The following MTUS2 variants were observed in gnomAD, a reference collection of about 807,000 sequenced individuals.
MTUS2 encodes microtubule associated scaffold protein 2.
MTUS2 carries 40 observed loss-of-function variants against 114.1 expected under a neutral mutation model. That is an observed-to-expected ratio of 0.35 (90% CI 0.27 to 0.46). The LOEUF is 0.46. Ranked by LOEUF, MTUS2 falls within the 20% of genes least tolerant of loss-of-function variation. The pLI is 1.00. For synonymous variants in MTUS2, 688 were observed against 672.0 expected (o/e 1.02, Z -0.37); for missense variants, 1,679 against 1,705.4 (o/e 0.98, Z 0.27).
intron 2 of MTUS2, among the ~76,000 whole-genome samples, chr13:28,928,207 G>A (rs555629672): frequency 6.6e-6 from 1 of 151,952 alleles, no homozygotes; most frequent in South Asian, 2.1e-4. Context: ...AAAAAATTTT[G>A]TGTAAGACAT....
At chr13:29,355,639 T>A (rs537777924) in intron 7 of MTUS2, among the ~76,000 whole-genome samples, 1 of 152,336 alleles carries the variant, frequency 6.6e-6, no homozygotes, top group South Asian at 2.1e-4. Context: ...ACAGTCTTAT[T>A]CACAGAGTAT....
chr13:29,125,718 T>G (rs1481757568), intron 5 of MTUS2, among the ~76,000 whole-genome samples: 2 of 152,170 alleles, frequency 1.3e-5, no homozygotes, highest in African/African-American at 2.4e-5. Flanking sequence ...TAAAATGAAG[T>G]TGTTAAAAGG....
intron 6 of MTUS2, among the ~76,000 whole-genome samples, chr13:29,287,377 C>G (rs1291218112): frequency 6.6e-6 from 1 of 152,224 alleles, no homozygotes; most frequent in Admixed American, 6.5e-5. Context: ...ATGCCTTAAC[C>G]TCTGTGTGGT....
chr13:29,267,047 G>A (rs375571697), intron 5 of MTUS2, among the ~76,000 whole-genome samples: 2 of 152,272 alleles, frequency 1.3e-5, no homozygotes, highest in African/African-American at 2.4e-5. Context: ...TGAAAGAGCC[G>A]GGGAAGAAGA....
At chr13:29,135,999 A>G (rs187427196) in intron 5 of MTUS2, among the ~76,000 whole-genome samples, 1 of 152,346 alleles carries the variant, frequency 6.6e-6, no homozygotes, top group African/African-American at 2.4e-5. Flanking sequence ...CTTTTAAAAA[A>G]TTGTATTAGA....
At chr13:29,124,939 G>C (rs1455462096) in intron 5 of MTUS2, among the ~76,000 whole-genome samples, 1 of 152,182 alleles carries the variant, frequency 6.6e-6, no homozygotes, top group Non-Finnish European at 1.5e-5. Context: ...AAGAGAAGGA[G>C]GAATGGGAAG....
chr13:29,006,422 A>G (rs893982207), intron 2 of MTUS2, among the ~76,000 whole-genome samples: 1 of 152,214 alleles, frequency 6.6e-6, no homozygotes, highest in South Asian at 2.1e-4. Flanking sequence ...TAACCCCCCT[A>G]TGGAATAAGT....
intron 5 of MTUS2, among the ~76,000 whole-genome samples, chr13:29,172,494 G>C (rs962284844): frequency 2.6e-5 from 4 of 152,174 alleles, no homozygotes; most frequent in Admixed American, 6.5e-5. Flanking sequence ...TAAAGGATTA[G>C]GCAGACCTGA....
Position 29,223,776 on chromosome 13 carries a change from C to T in MTUS2, c.2645-57928C>T, listed in dbSNP as rs1895999718. Among the ~76,000 whole-genome samples, 5 of 152,216 alleles carry T rather than the reference C, an allele frequency of 3.3e-5. No individual in the cohort carries two copies. In the South Asian group the frequency reaches 1.0e-3, roughly 32 times the overall value. On this transcript the variant is annotated intron_variant, in intron 5 of 15. Coordinates refer to ENST00000612955, the MANE Select transcript of MTUS2 (RefSeq NM_001033602.4). ...AAGAAAGGAGAGAGGATCTGTGGCCCTCCTGGGAGTCCAGAACTAGGAGCT... is the reference window on the plus strand; with the variant it reads ...AAGAAAGGAGAGAGGATCTGTGGCCTTCCTGGGAGTCCAGAACTAGGAGCT...
chr13:29,436,927 G>T (rs1877452460), intron 8 of MTUS2, among the ~76,000 whole-genome samples: 1 of 151,644 alleles, frequency 6.6e-6, no homozygotes, highest in African/African-American at 2.4e-5. Context: ...TCAGCATTAG[G>T]TTTTCACCAA....
chr13:29,446,001 A>G (rs1172923911), intron 9 of MTUS2, among the ~76,000 whole-genome samples: 1 of 152,110 alleles, frequency 6.6e-6, no homozygotes, highest in Non-Finnish European at 1.5e-5. Flanking sequence ...TGAAAGTTCC[A>G]ATCCTCTAAT....
At chr13:29,024,372 A>G (rs1886415426) in intron 2 of MTUS2, 85 bp from the exon 3 acceptor site, 1 of 287,180 alleles carries the variant, frequency 3.5e-6, no homozygotes, top group Non-Finnish European at 6.4e-6. Flanking sequence ...TATAGAAATG[A>G]CAAATAAATC....
intron 2 of MTUS2, among the ~76,000 whole-genome samples, chr13:28,840,857 G>A (rs1438225832): frequency 2.0e-5 from 3 of 152,248 alleles, no homozygotes; most frequent in African/African-American, 4.8e-5. Context: ...CACAGTAGCT[G>A]TAGGTTTGGG....
chr13:29,012,066 T>C (rs1053831088), intron 2 of MTUS2, among the ~76,000 whole-genome samples: 2 of 152,298 alleles, frequency 1.3e-5, no homozygotes, highest in South Asian at 4.1e-4. Flanking sequence ...TCCTTTCAGA[T>C]AGCAAACAAC....
chr13:29,333,999 A>G (rs957295656), intron 7 of MTUS2, among the ~76,000 whole-genome samples: 2 of 152,220 alleles, frequency 1.3e-5, no homozygotes, highest in Non-Finnish European at 2.9e-5. Flanking sequence ...ATCAGAGACT[A>G]GGATTGCAAC....
In MTUS2 at chr13:29,094,406, G is replaced by C. The variant is rs79773353; in HGVS notation, c.2447-6367G>C. On this transcript the variant is annotated intron_variant, in intron 4 of 15. Coordinates refer to ENST00000612955, the MANE Select transcript of MTUS2 (RefSeq NM_001033602.4). The stretch of plus-strand genomic sequence containing the variant: ...ATTTTCAGAGTTTCTATTTCTTCTT[G>C]ATTCAGCTTTTATAGTTTGTATTTC... Among the ~76,000 whole-genome samples the C allele has an allele frequency of 4.5e-3, 675 of 151,024 alleles. 4 individuals carry two copies. Among genetic ancestry groups the C allele is most frequent in the African/African-American group, 0.016 (649 of 41,130 alleles).
intron 2 of MTUS2, among the ~76,000 whole-genome samples, chr13:29,020,177 T>G (rs934150920): frequency 6.6e-6 from 1 of 152,202 alleles, no homozygotes; most frequent in Admixed American, 6.5e-5. Flanking sequence ...AATTGATTTT[T>G]TTCAAGATAA....
At chr13:29,166,925 G>C (rs1306555670) in intron 5 of MTUS2, among the ~76,000 whole-genome samples, 2 of 152,176 alleles carry the variant, frequency 1.3e-5, no homozygotes, top group African/African-American at 4.8e-5. Flanking sequence ...TACTCATTCA[G>C]TTTTTCCAAT....
At chr13:29,488,463 CAG>C (rs1263181413) in intron 11 of MTUS2, among the ~76,000 whole-genome samples, 1 of 106,268 alleles carries the variant, frequency 9.4e-6, no homozygotes, top group Non-Finnish European at 1.8e-5. Context: ...TTTTTTGAGA[CAG>C]AGTCTCACTT....
Sources: allele counts gnomAD v4.1 joint callset (sites outside exome capture counted in the v4.1 genomes callset), GRCh38; gene constraint gnomAD v4.1.1; transcripts MANE v1.5; gene names NCBI Gene and HGNC (gene_info 2026-07-23, HGNC 2026-07-21).